Variants in RBKS observed in about 807,000 individuals in gnomAD.
RBKS encodes ribokinase.
A neutral mutation model predicts 33.9 loss-of-function variants in RBKS; 33 were observed. The ratio of observed to expected loss-of-function variants is 0.97; its 90% CI spans 0.74 to 1.30. The LOEUF (loss-of-function observed/expected upper bound fraction) is 1.30. RBKS is among the 50% of genes most tolerant of loss of function. RBKS has a pLI of 0.00. For missense variants in RBKS, 361 were observed against 392.6 expected, an observed-to-expected ratio of 0.92 and a Z score of 0.68; for synonymous variants, 125 against 143.0, an observed-to-expected ratio of 0.87 and a Z score of 0.90.
At chr2:27,871,844 T>G (rs1436571565) in intron 1 of RBKS, among the ~76,000 whole-genome samples, 1 of 152,256 alleles carries the variant, frequency 6.6e-6, no homozygotes, top group Non-Finnish European at 1.5e-5. Flanking sequence ...ATGGTCTCTG[T>G]GCAGTCAAAC....
chr2:27,825,712 C>A (rs767375962), intron 7 of RBKS, among the ~76,000 whole-genome samples: 3 of 152,236 alleles, frequency 2.0e-5, no homozygotes, highest in Non-Finnish European at 4.4e-5. Context: ...AGTGACCTGA[C>A]TTGCCTGGAT....
At chr2:27,790,397 A>G (rs1677499303) in intron 7 of RBKS, among the ~76,000 whole-genome samples, 1 of 152,230 alleles carries the variant, frequency 6.6e-6, no homozygotes, top group African/African-American at 2.4e-5. Context: ...TGTGCTAGGC[A>G]GATTTCTTAG....
At chr2:27,791,748 A>G (rs1032746228) in intron 7 of RBKS, among the ~76,000 whole-genome samples, 6 of 152,014 alleles carry the variant, frequency 3.9e-5, no homozygotes, top group African/African-American at 1.4e-4. Context: ...ACCCCAACTA[A>G]TATCAATTCA....
At chr2:27,851,335 C>T (rs1663741577) in intron 2 of RBKS, among the ~76,000 whole-genome samples, 1 of 152,156 alleles carries the variant, frequency 6.6e-6, no homozygotes, top group Non-Finnish European at 1.5e-5. Flanking sequence ...TGTTAATCCT[C>T]TCATCTCCAC....
chr2:27,849,578 A>G (rs1038111391), intron 2 of RBKS, among the ~76,000 whole-genome samples: 3 of 147,688 alleles, frequency 2.0e-5, no homozygotes, highest in Non-Finnish European at 4.5e-5. Context: ...AAAAAAAAAA[A>G]AAAAAAAAGA....
At chr2:27,794,721 T>C (rs1467329265) in intron 7 of RBKS, among the ~76,000 whole-genome samples, 1 of 151,600 alleles carries the variant, frequency 6.6e-6, no homozygotes, top group Non-Finnish European at 1.5e-5. Flanking sequence ...CCTCCCGGGT[T>C]CAAGCAATTC....
At chr2:27,782,769 A>C (rs1677313914) in intron 7 of RBKS, 1 of 306,056 alleles carries the variant, frequency 3.3e-6, no homozygotes, top group Non-Finnish European at 7.2e-6. Flanking sequence ...TGTTTCTTTA[A>C]TTTTAATTTT....
At chr2:27,832,587 C>T in intron 6 of RBKS, 99 bp downstream of exon 6, 2 of 788,432 alleles carry the variant, frequency 2.5e-6, no homozygotes, top group East Asian at 2.6e-5. Flanking sequence ...CCTGAGAATT[C>T]ACGTCATCAA....
In RBKS at chr2:27,781,775, C is replaced by T. The variant is rs1349181168; in HGVS notation, c.809G>A (p.Ser270Asn). The T allele has an allele frequency of 6.2e-7, 1 of 1,613,348 alleles. No individual in the cohort carries two copies. Among genetic ancestry groups the T allele is most frequent in the Non-Finnish European group, 8.5e-7 (1 of 1,179,698 alleles). ...GTAGAAGGCCAGAGCTCCCACAAAGCTGTCACCAGCACCCTGTAATTGAAA... is the reference window on the plus strand; with the variant it reads ...GTAGAAGGCCAGAGCTCCCACAAAGTTGTCACCAGCACCCTGTAATTGAAA... ...KAVDTTGAGD[S>N]FVGALAFYLA... Residue 270 changes from serine to asparagine, a missense_variant, in exon 8 of 8, where the codon AGC becomes AAC. Transcript: ENST00000302188.
chr2:27,804,704 T>C (rs970648905), intron 7 of RBKS, among the ~76,000 whole-genome samples: 1 of 152,160 alleles, frequency 6.6e-6, no homozygotes, highest in Non-Finnish European at 1.5e-5. Context: ...ATTAAAGAGT[T>C]TGTAAAGTTT....
At chr2:27,853,770 T>C (rs1391042823) in intron 2 of RBKS, among the ~76,000 whole-genome samples, 4 of 152,248 alleles carry the variant, frequency 2.6e-5, no homozygotes, top group Non-Finnish European at 5.9e-5. Context: ...TTTCTCTCAT[T>C]TCTACCATTT....
chr2:27,803,690 A>C (rs1677841517), intron 7 of RBKS, among the ~76,000 whole-genome samples: 1 of 132,274 alleles, frequency 7.6e-6, no homozygotes, highest in Non-Finnish European at 1.5e-5. Flanking sequence ...ACAGAGCAAG[A>C]CTCTGTCTCA....
rs369875530 is a variant in RBKS at position 27,814,798 on chromosome 2, T to C, written c.795+12769A>G. On this transcript the variant is annotated intron_variant, in intron 7 of 7. Coordinates refer to ENST00000302188, the MANE Select transcript of RBKS (RefSeq NM_022128.3). ...TGGATCCCTTTGATCTCCAAATCCA[T>C]AGCTTTTTCAGAGGTTGTACCACAG... is the stretch of plus-strand genomic sequence containing the variant. Among the ~76,000 whole-genome samples the C allele has an allele frequency of 1.2e-4, 19 of 152,320 alleles. 2 individuals are homozygous for C. The highest frequency in any genetic ancestry group is 9.8e-4 in the Admixed American group (15 of 15,300).
Position 27,858,579 on chromosome 2 carries a change from A to G in RBKS, c.90-8T>C. 6.2e-7 allele frequency: 1 copy of G among 1,608,906 alleles called. No individual in the cohort carries two copies. Among genetic ancestry groups the G allele is most frequent in the South Asian group, 1.1e-5 (1 of 90,824 alleles). Reference sequence around the variant, plus strand: ...GGCAAACGAGAAGTAAGACTATTGTAATTTAAAAAGAGAAGAAAAAAGCAT... The same window carrying G: ...GGCAAACGAGAAGTAAGACTATTGTGATTTAAAAAGAGAAGAAAAAAGCAT... On this transcript the variant is annotated splice_polypyrimidine_tract_variant and splice_region_variant and intron_variant, in intron 1 of 7. Transcript: ENST00000302188.
chr2:27,793,111 T>C (rs1677569097), intron 7 of RBKS, among the ~76,000 whole-genome samples: 1 of 152,220 alleles, frequency 6.6e-6, no homozygotes. Context: ...TTAAATGTTA[T>C]TAAGAATCCA....
At chr2:27,809,678 G>A (rs1291476026) in intron 7 of RBKS, 9 of 308,596 alleles carry the variant, frequency 2.9e-5, no homozygotes, top group African/African-American at 1.1e-4. Flanking sequence ...CAAAAGACTC[G>A]CTAAAATATT....
intron 7 of RBKS, among the ~76,000 whole-genome samples, chr2:27,806,127 G>C (rs545800505): frequency 6.6e-6 from 1 of 151,386 alleles, no homozygotes; most frequent in Non-Finnish European, 1.5e-5. Flanking sequence ...CAAACGATTC[G>C]CCCGCCTCGG....
intron 6 of RBKS, 86 bp from the exon 7 acceptor site, chr2:27,827,841 C>G: frequency 8.3e-7 from 1 of 1,211,334 alleles, no homozygotes; most frequent in Non-Finnish European, 1.1e-6. Context: ...GAAAATGTCT[C>G]CCTTCTTTTT....
intron 7 of RBKS, among the ~76,000 whole-genome samples, chr2:27,800,628 T>C (rs940526801): frequency 6.6e-6 from 1 of 152,138 alleles, no homozygotes; most frequent in Non-Finnish European, 1.5e-5. Flanking sequence ...GCCCATGACC[T>C]AGGTCAGAGG....
Sources: gnomAD v4.1 joint callset for allele counts (sites outside exome capture counted in the v4.1 genomes callset) on GRCh38, gnomAD v4.1.1 for gene constraint, MANE v1.5 for transcripts, NCBI Gene and HGNC (gene_info 2026-07-23, HGNC 2026-07-21) for gene names.